The following SPAG16 variants were observed in gnomAD, a reference collection of about 807,000 sequenced individuals.
The protein encoded by SPAG16 is sperm-associated antigen 16 protein.
SPAG16 carries 86 observed loss-of-function variants against 80.4 expected under a neutral mutation model. That is an observed-to-expected ratio of 1.07 (90% CI 0.90 to 1.28). SPAG16 has a LOEUF of 1.28. SPAG16 is among the 50% of genes most tolerant of loss of function. SPAG16 has a pLI of 0.00. For missense variants in SPAG16, 870 were observed against 765.3 expected (o/e 1.14, Z -1.61); for synonymous variants, 294 against 265.9 (o/e 1.11, Z -1.03).
At chr2:214,189,794 T>C (rs1431949888) in intron 15 of SPAG16, among the ~76,000 whole-genome samples, 2 of 152,080 alleles carry the variant, frequency 1.3e-5, no homozygotes, top group African/African-American at 4.8e-5. Context: ...ATTTGTAAAT[T>C]AATTTATGTA....
intron 15 of SPAG16, among the ~76,000 whole-genome samples, chr2:214,350,153 T>A (rs1383922833): frequency 6.6e-6 from 1 of 152,218 alleles, no homozygotes; most frequent in East Asian, 1.9e-4. Context: ...AATGCAAGGT[T>A]TTCTTTTTAT....
chr2:213,383,556 A>G (rs2067283814), intron 9 of SPAG16, among the ~76,000 whole-genome samples: 1 of 152,172 alleles, frequency 6.6e-6, no homozygotes, highest in South Asian at 2.1e-4. Context: ...ACTTGAGTGT[A>G]TACCATATGG....
chr2:213,495,962 T>G (rs2074466419), intron 10 of SPAG16, among the ~76,000 whole-genome samples: 1 of 152,164 alleles, frequency 6.6e-6, no homozygotes, highest in African/African-American at 2.4e-5. Flanking sequence ...ACTTAGGGCC[T>G]TATAAATCAT....
intron 5 of SPAG16, among the ~76,000 whole-genome samples, chr2:213,339,336 A>G (rs1226146420): frequency 6.6e-6 from 1 of 152,198 alleles, no homozygotes; most frequent in Non-Finnish European, 1.5e-5. Context: ...GTATCAGTCC[A>G]TTTTTCAGAA....
chr2:213,488,582 G>T (rs927992487), intron 9 of SPAG16, among the ~76,000 whole-genome samples: 1 of 151,960 alleles, frequency 6.6e-6, no homozygotes, highest in Admixed American at 6.6e-5. Flanking sequence ...AATGATAAAT[G>T]AAAAACGAGA....
chr2:214,306,415 G>A (rs1327188079), intron 15 of SPAG16, among the ~76,000 whole-genome samples: 9 of 152,128 alleles, frequency 5.9e-5, no homozygotes, highest in Admixed American at 2.6e-4. Context: ...ATACTATGTT[G>A]AATAGGCATA....
intron 12 of SPAG16, among the ~76,000 whole-genome samples, chr2:213,939,147 C>T (rs1365950137): frequency 6.6e-6 from 1 of 152,076 alleles, no homozygotes; most frequent in African/African-American, 2.4e-5. Flanking sequence ...TTTTTCCATA[C>T]TTTTATCCTT....
chr2:213,950,807 C>T (rs2079729854), intron 12 of SPAG16, among the ~76,000 whole-genome samples: 1 of 147,178 alleles, frequency 6.8e-6, no homozygotes. Flanking sequence ...TTCCCAGGCT[C>T]AAGTGATCCT....
intron 10 of SPAG16, among the ~76,000 whole-genome samples, chr2:213,592,626 G>A (rs1282824056): frequency 6.6e-6 from 1 of 152,062 alleles, no homozygotes; most frequent in Non-Finnish European, 1.5e-5. Flanking sequence ...AGTTCCTTGG[G>A]GACCTGTGGG....
intron 3 of SPAG16, among the ~76,000 whole-genome samples, chr2:213,298,270 C>T (rs2062589966): frequency 6.6e-6 from 1 of 152,170 alleles, no homozygotes; most frequent in Non-Finnish European, 1.5e-5. Flanking sequence ...TAATGAATCC[C>T]ATGGACATAG....
Position 213,296,105 on chromosome 2 carries a change from G to T in SPAG16, c.178G>T (p.Glu60Ter). ...AGCATCTGAAGATGACTATGAATAT[G>T]AAGAGGTAACATGTTAATTTTAGGT... is the stretch of plus-strand genomic sequence containing the variant. ...TEASEDDYEY[E>*]EIPDDNFSIP... The change falls in exon 2 of 16, where the codon GAA becomes TAA. Residue 60 changes from glutamate (E) to a stop codon, truncating the protein, a stop_gained. Transcript: ENST00000331683. LOFTEE classifies it high-confidence loss of function. The T allele has an allele frequency of 3.1e-6, 5 of 1,604,140 alleles. No individual in the cohort carries two copies. Among genetic ancestry groups the T allele is most frequent in the South Asian group, 1.1e-5 (1 of 90,468 alleles).
chr2:213,533,019 T>C (rs1007479152), intron 10 of SPAG16, among the ~76,000 whole-genome samples: 2 of 152,190 alleles, frequency 1.3e-5, no homozygotes, highest in Admixed American at 1.3e-4. Flanking sequence ...ATTTGCCACA[T>C]TTATTTCTGT....
At chr2:214,165,469 CTTTTTTTTTTTTTTTTTTTTTTTTT>C (rs67726428) in intron 15 of SPAG16, among the ~76,000 whole-genome samples, 3 of 37,856 alleles carry the variant, frequency 7.9e-5, no homozygotes, top group Non-Finnish European at 1.3e-4. Flanking sequence ...CATCACCATC[CTTTTTTTTTTTTTTTTTTTTTTTTT>C]TTTTTTTTTT....
At chr2:213,346,185 C>G (rs866563123) in intron 6 of SPAG16, among the ~76,000 whole-genome samples, 11 of 152,188 alleles carry the variant, frequency 7.2e-5, no homozygotes, top group African/African-American at 1.9e-4. Flanking sequence ...CTCTGTTTGT[C>G]TGTTATTGGT....
chr2:213,715,519 AG>A (rs2066202530), intron 10 of SPAG16, among the ~76,000 whole-genome samples: 1 of 152,172 alleles, frequency 6.6e-6, no homozygotes, highest in Non-Finnish European at 1.5e-5. Flanking sequence ...ATCCTGGGGA[AG>A]GTGTTGTACT....
chr2:214,390,980 A>G (rs1458425354), intron 15 of SPAG16, among the ~76,000 whole-genome samples: 1 of 152,330 alleles, frequency 6.6e-6, no homozygotes, highest in South Asian at 2.1e-4. Context: ...TGGGTGGGCA[A>G]GAGGATTAGG....
chr2:214,104,476 C>A (rs962544582), intron 13 of SPAG16, among the ~76,000 whole-genome samples: 2 of 151,968 alleles, frequency 1.3e-5, no homozygotes, highest in East Asian at 1.9e-4. Context: ...GGATGATGGC[C>A]TGCCCCCAGA....
intron 11 of SPAG16, among the ~76,000 whole-genome samples, chr2:213,905,540 A>G (rs114972818): frequency 0.011 from 1,602 of 152,362 alleles, 12 homozygotes; most frequent in Non-Finnish European, 0.017. Flanking sequence ...TGTTTCATTC[A>G]TCAAATCATT....
At chr2:214,388,394 G>C (rs1046400440) in intron 15 of SPAG16, among the ~76,000 whole-genome samples, 18 of 152,234 alleles carry the variant, frequency 1.2e-4, no homozygotes, top group Middle Eastern at 3.4e-3. Flanking sequence ...ATACCTGCCT[G>C]TGTCTGTTAT....
Sources: allele counts gnomAD v4.1 joint callset (sites outside exome capture counted in the v4.1 genomes callset), GRCh38; gene constraint gnomAD v4.1.1; transcripts MANE v1.5; gene names NCBI Gene and HGNC (gene_info 2026-07-23, HGNC 2026-07-21).